Variants in IDS observed in about 807,000 individuals in gnomAD.
The protein encoded by IDS is alpha-L-iduronate sulfate sulfatase.
A neutral mutation model predicts 33.5 loss-of-function variants in IDS; 1 was observed. That is an observed-to-expected ratio of 0.03 (90% CI 0.01 to 0.14). The LOEUF (loss-of-function observed/expected upper bound fraction) is 0.14, where lower values mean the gene tolerates loss of function less well. Among genes scored for constraint, IDS ranks in the 10% least tolerant of loss-of-function variants. The pLI is 1.00. For missense variants in IDS, 328 were observed against 448.0 expected, an observed-to-expected ratio of 0.73 and a Z score of 2.42; for synonymous variants, 191 against 184.4, an observed-to-expected ratio of 1.04 and a Z score of -0.29.
intron 8 of IDS, 85 bp from the exon 9 acceptor site, chrX:149,483,303 G>C: frequency 2.9e-6 from 2 of 683,254 alleles, no homozygotes; most frequent in Non-Finnish European, 4.6e-6. Flanking sequence ...AACCTGTCTG[G>C]GCTCCATATG....
chrX:149,498,961 G>T lies in IDS; in HGVS notation c.508-654C>A, dbSNP rs10779253. Reference sequence around the variant, plus strand: ...AAAAACACTTGTACAAAAATGTCGAGGGCAGCATTATTCCTAATAGTCAAA... The same window carrying T: ...AAAAACACTTGTACAAAAATGTCGATGGCAGCATTATTCCTAATAGTCAAA... On this transcript the variant is annotated intron_variant, in intron 4 of 8. Transcript: ENST00000340855. Among the ~76,000 whole-genome samples, 53 of 111,684 alleles carry T rather than the reference G, an allele frequency of 4.7e-4. No individual in the cohort carries two copies. The Middle Eastern group carries it at 0.023, about 49-fold the overall frequency.
At chrX:149,498,409 G>C in intron 4 of IDS, 102 bp from the exon 5 acceptor site, 1 of 646,985 alleles carries the variant, frequency 1.5e-6, no homozygotes. Context: ...AGCCCTTCAC[G>C]TGTTAGTCAC....
At chrX:149,493,655 G>A (rs2089412046) in intron 6 of IDS, among the ~76,000 whole-genome samples, 1 of 111,007 alleles carries the variant, frequency 9.0e-6, no homozygotes, top group Non-Finnish European at 1.9e-5. Context: ...GGACAGTGGT[G>A]GGGAGTTGAG....
chrX:149,484,429 C>T (rs1414970582), intron 8 of IDS, among the ~76,000 whole-genome samples: 1 of 112,490 alleles, frequency 8.9e-6, no homozygotes, highest in African/African-American at 3.2e-5. Flanking sequence ...TCAAGTGATT[C>T]TCCTGCCTCA....
chrX:149,498,632 A>G (rs2089455006), intron 4 of IDS, among the ~76,000 whole-genome samples: 1 of 113,110 alleles, frequency 8.8e-6, no homozygotes, highest in African/African-American at 3.2e-5. Context: ...AAAAATGGGC[A>G]AAGGATTTGG....
rs2089305146 is a variant in IDS, at chrX:149,482,959, C to T, written c.1440G>A (p.Pro480=). The stretch of plus-strand genomic sequence containing the variant: ...CCATGATCTTTATATCTTTTAAACT[C>T]GGCTTGTCAGAATTCCACTGAGGGA... The part of the protein sequence containing the change: ...SDIPQWNSDK[P]SLKDIKIMGY... The change falls in exon 9 of 9, where the codon CCG becomes CCA. Residue 480 remains proline, a synonymous_variant. Coordinates refer to ENST00000340855, the MANE Select transcript of IDS (RefSeq NM_000202.8). 2.5e-6 allele frequency: 3 copies of T among 1,211,472 alleles called. No individual in the cohort carries two copies. Among genetic ancestry groups the T allele is most frequent in the South Asian group, 1.8e-5 (1 of 56,980 alleles).
In IDS at chrX:149,503,502, A is replaced by G; in HGVS notation, c.241-13T>C. 2 of 1,048,695 alleles carry G rather than the reference A, an allele frequency of 1.9e-6. No homozygotes were observed. The highest frequency in any genetic ancestry group is 2.6e-6 in the Non-Finnish European group (2 of 763,304). 86.4% of individuals were successfully genotyped at this position (1,048,695 alleles called of 1,213,427 possible). A position where few individuals can be genotyped will look rare whatever the true frequency, so the allele number is the denominator to read the frequency against. ...CGCACACTGCTTGCTGTTAGGGAGC[A>G]GAAGCAGAGGTAAGCATCGCCACAG... On this transcript the variant is annotated splice_polypyrimidine_tract_variant and intron_variant, in intron 2 of 8. Transcript: ENST00000340855.
At chrX:149,489,788 A>C (rs1366618031) in intron 7 of IDS, among the ~76,000 whole-genome samples, 1 of 111,543 alleles carries the variant, frequency 9.0e-6, no homozygotes, top group Non-Finnish European at 1.9e-5. Context: ...GGAATGTTGA[A>C]GAATTTAAAA....
chrX:149,482,053 C>T lies in IDS; in HGVS notation c.*693G>A, dbSNP rs1451271853. The T allele has an allele frequency of 2.7e-5, 3 of 112,253 alleles. No homozygotes were observed. Among genetic ancestry groups the T allele is most frequent in the Non-Finnish European group, 5.6e-5 (3 of 53,235 alleles). 9.3% of individuals were successfully genotyped at this position (112,253 alleles called of 1,213,427 possible). A position where few individuals can be genotyped will look rare whatever the true frequency, so the allele number is the denominator to read the frequency against. ...ATCTGAAAAAAGTTTAACCAAATTT[C>T]CTACACATCTCATATCTCTAGTTTA... is the stretch of plus-strand genomic sequence containing the variant. On this transcript the variant is annotated 3_prime_UTR_variant, in exon 9 of 9. Coordinates refer to ENST00000340855, the MANE Select transcript of IDS (RefSeq NM_000202.8).
At chrX:149,491,279 A>T (rs2089388819) in intron 6 of IDS, among the ~76,000 whole-genome samples, 1 of 112,239 alleles carries the variant, frequency 8.9e-6, no homozygotes, top group African/African-American at 3.2e-5. Flanking sequence ...AGAGAGCAGC[A>T]CGTCCTTCAC....
At chrX:149,498,007 C>A in intron 5 of IDS, 100 bp downstream of exon 5, 1 of 726,479 alleles carries the variant, frequency 1.4e-6, no homozygotes, top group African/African-American at 2.1e-5. Context: ...TGGTGCCTGG[C>A]GATGGCAGGA....
In IDS at chrX:149,505,028, G is replaced by A. The variant is rs369735286; in HGVS notation, c.103+7C>T. On this transcript the variant is annotated splice_region_variant and intron_variant, in intron 1 of 8. Transcript: ENST00000340855. The stretch of plus-strand genomic sequence containing the variant: ...AGAAGAGATGGCAGGGAGGGCGTGG[G>A]CGGCACCTGTGGTCGAGTTGGCCTG... 1.7e-4 allele frequency: 206 copies of A among 1,188,300 alleles called. No homozygotes were observed. The highest frequency in any genetic ancestry group is 2.1e-4 in the Non-Finnish European group (187 of 876,215).
At position 149,490,360 on chromosome X, in the gene IDS, A is replaced by G; in HGVS notation, c.960T>C (p.Asp320=). ...TGATGGTGCTGTTGGCCAGCTGAAG[A>G]TCGTCCAAAGCACTCAAGAGGCGGC... ...QVGRLLSALD[D]LQLANSTIIA... is the part of the protein sequence containing the mutation. The change falls in exon 7 of 9, where the codon GAT becomes GAC. Residue 320 remains aspartate, a synonymous_variant. Coordinates refer to ENST00000340855, the MANE Select transcript of IDS (RefSeq NM_000202.8). 1 of 1,210,668 alleles carries G rather than the reference A, an allele frequency of 8.3e-7. No homozygotes were observed.
At chrX:149,502,985 G>A (rs1292483888) in intron 3 of IDS, 2 of 476,054 alleles carry the variant, frequency 4.2e-6, no homozygotes, top group Non-Finnish European at 3.5e-6. Context: ...TACCCTGCAG[G>A]GGAGAGGGTG....
In IDS at chrX:149,477,726, C is replaced by T. The variant is rs369925793; in HGVS notation, c.*5020G>A. ...GTGAGTTAGTGGACAGGGACACCAA[C>T]GGGAGCTTTCAGTAACATGTGGAAA... On this transcript the variant is annotated 3_prime_UTR_variant, in exon 9 of 9. Coordinates refer to ENST00000340855, the MANE Select transcript of IDS (RefSeq NM_000202.8). 2.7e-5 allele frequency: 3 copies of T among 112,729 alleles called. No homozygotes were observed. The highest frequency in any genetic ancestry group is 2.8e-4 in the East Asian group (1 of 3,597). The allele number at this position is 112,729 out of a possible 1,213,427, so 9.3% of individuals were successfully genotyped here.
rs1212179763 is a variant in IDS at position 149,482,685 on chromosome X, ACTC to A, written c.*58_*60del. ...GGTAATCACAAAACGACCAGCTCTA[ACTC>A]CTCCTCTCACCAGCTGGAAGGGAGC... is the stretch of plus-strand genomic sequence containing the variant. On this transcript the variant is annotated 3_prime_UTR_variant, in exon 9 of 9. Coordinates refer to ENST00000340855, the MANE Select transcript of IDS (RefSeq NM_000202.8). 6 of 1,204,721 alleles carry A rather than the reference ACTC, an allele frequency of 5.0e-6. No individual in the cohort carries two copies. The Admixed American group carries it at 1.1e-4, about 22-fold the overall frequency.
intron 8 of IDS, among the ~76,000 whole-genome samples, chrX:149,484,674 T>C (rs970062568): frequency 6.2e-5 from 7 of 112,274 alleles, no homozygotes; most frequent in African/African-American, 2.3e-4. Context: ...GGGTATGAAG[T>C]AGTATTTCAT....
chrX:149,498,530 T>C (rs1371706578), intron 4 of IDS, among the ~76,000 whole-genome samples: 1 of 112,164 alleles, frequency 8.9e-6, no homozygotes, highest in Admixed American at 9.4e-5. Context: ...ACTAATACTC[T>C]TTCTCCAGAT....
chrX:149,483,269 A>G lies in IDS; in HGVS notation c.1181-51T>C, dbSNP rs377093277. On this transcript the variant is annotated intron_variant, in intron 8 of 8. Coordinates refer to ENST00000340855, the MANE Select transcript of IDS (RefSeq NM_000202.8). ...ATGGGTTACATTATAAAAGCCTGCC[A>G]TGGCCAGGCAGGAGCAGTAAAGGAA... 7.9e-5 allele frequency: 78 copies of G among 991,691 alleles called. 1 individual carries two copies. Among genetic ancestry groups the G allele is most frequent in the Non-Finnish European group, 8.0e-5 (56 of 699,981 alleles). 81.7% of individuals were successfully genotyped at this position (991,691 alleles called of 1,213,427 possible).
Sources: allele counts gnomAD v4.1 joint callset (sites outside exome capture counted in the v4.1 genomes callset), GRCh38; gene constraint gnomAD v4.1.1; transcripts MANE v1.5; gene names NCBI Gene and HGNC (gene_info 2026-07-23, HGNC 2026-07-21).